The following YWHAG variants were observed in gnomAD, a reference collection of about 807,000 sequenced individuals.
YWHAG encodes the protein tyrosine 3-monooxygenase/tryptophan 5-monooxygenase activation protein gamma.
In YWHAG, 1 loss-of-function variant was observed where a neutral mutation model predicts 23.3. That is an observed-to-expected ratio of 0.04 (90% CI 0.02 to 0.20). The LOEUF (loss-of-function observed/expected upper bound fraction) is 0.20, where lower values mean the gene tolerates loss of function less well. Ranked by LOEUF, YWHAG falls within the 10% of genes least tolerant of loss-of-function variation. The pLI is 1.00. For missense variants in YWHAG, 151 were observed against 338.6 expected, an observed-to-expected ratio of 0.45 and a Z score of 4.35; for synonymous variants, 160 against 144.0, an observed-to-expected ratio of 1.11 and a Z score of -0.80.
At chr7:76,345,249 G>A (rs1442536419) in intron 1 of YWHAG, among the ~76,000 whole-genome samples, 4 of 148,114 alleles carry the variant, frequency 2.7e-5, no homozygotes, top group East Asian at 2.0e-4. Context: ...GCAGTGGCAC[G>A]ATCTTGGCTC....
rs1319174962 is a variant in YWHAG at position 76,337,525 on chromosome 7, C to G, written c.88-7292G>C. 2.0e-5 allele frequency among the ~76,000 whole-genome samples: 3 copies of G among 151,590 alleles called. No homozygotes were observed. In the East Asian group the frequency reaches 5.8e-4, roughly 29 times the overall value. On this transcript the variant is annotated intron_variant, in intron 1 of 1. Coordinates refer to ENST00000307630, the MANE Select transcript of YWHAG (RefSeq NM_012479.4). ...CTGATTTTCATCTCCTGCGCCTCTT[C>G]CCTTTGCTAATTTTTTTTTTTTTTT...
At chr7:76,348,887 T>A (rs1324110447) in intron 1 of YWHAG, among the ~76,000 whole-genome samples, 2 of 151,364 alleles carry the variant, frequency 1.3e-5, no homozygotes, top group African/African-American at 2.4e-5. Flanking sequence ...AAAAAAAAAA[T>A]TTTAAGGCAA....
chr7:76,340,108 A>G (rs1040229879), intron 1 of YWHAG, among the ~76,000 whole-genome samples: 1 of 152,090 alleles, frequency 6.6e-6, no homozygotes, highest in Non-Finnish European at 1.5e-5. Context: ...AACAAAACAC[A>G]CACATACACA....
chr7:76,352,137 C>G (rs1387530615), intron 1 of YWHAG, among the ~76,000 whole-genome samples: 2 of 152,214 alleles, frequency 1.3e-5, no homozygotes, highest in Non-Finnish European at 2.9e-5. Flanking sequence ...AAAATTCAAG[C>G]TGATTTCTAC....
intron 1 of YWHAG, among the ~76,000 whole-genome samples, chr7:76,357,622 T>C (rs1289204618): frequency 2.6e-5 from 4 of 152,144 alleles, no homozygotes; most frequent in African/African-American, 9.7e-5. Flanking sequence ...GTATTCTCTT[T>C]TCATCAGCAT....
At chr7:76,355,502 C>T (rs1212396966) in intron 1 of YWHAG, among the ~76,000 whole-genome samples, 1 of 152,154 alleles carries the variant, frequency 6.6e-6, no homozygotes, top group Non-Finnish European at 1.5e-5. Flanking sequence ...TGTATTCTTT[C>T]CACGCCCAAG....
At position 76,358,890 on chromosome 7, in the gene YWHAG, A is replaced by G. The variant is rs1033934154; in HGVS notation, c.-82T>C. 128 of 1,357,966 alleles carry G rather than the reference A, an allele frequency of 9.4e-5. No homozygotes were observed. The highest frequency in any genetic ancestry group is 1.1e-4 in the Non-Finnish European group (110 of 1,001,890). 84.1% of individuals were successfully genotyped at this position (1,357,966 alleles called of 1,614,324 possible). ...GCTTGGAGGGCGCGACTGGAGCCCAAGTGCCGGAGAGGACCGACCCACAGA... is the reference window on the plus strand; with the variant it reads ...GCTTGGAGGGCGCGACTGGAGCCCAGGTGCCGGAGAGGACCGACCCACAGA... On this transcript the variant is annotated 5_prime_UTR_variant, in exon 1 of 2. Coordinates refer to ENST00000307630, the MANE Select transcript of YWHAG (RefSeq NM_012479.4).
chr7:76,336,751 C>T (rs1017133644), intron 1 of YWHAG, among the ~76,000 whole-genome samples: 4 of 149,758 alleles, frequency 2.7e-5, no homozygotes, highest in East Asian at 2.0e-4. Context: ...CCACGGTGCC[C>T]GGTCTTTTTT....
Position 76,327,754 on chromosome 7 carries a change from T to G in YWHAG, c.*1823A>C, listed in dbSNP as rs945288107. Reference sequence around the variant, plus strand: ...TGAGAGGCACAAAAGCGGCAAAGCTTCTTCTACTAGTTCTTCTGGTAGGCT... The same window carrying G: ...TGAGAGGCACAAAAGCGGCAAAGCTGCTTCTACTAGTTCTTCTGGTAGGCT... On this transcript the variant is annotated 3_prime_UTR_variant, in exon 2 of 2. Transcript: ENST00000307630. The G allele has an allele frequency of 2.1e-5, 3 of 140,894 alleles. No homozygotes were observed. Among genetic ancestry groups the G allele is most frequent in the Non-Finnish European group, 4.5e-5 (3 of 66,400 alleles). 8.7% of individuals were successfully genotyped at this position (140,894 alleles called of 1,614,324 possible).
In YWHAG at chr7:76,329,146, G is replaced by A. The variant is rs1196427454; in HGVS notation, c.*431C>T. 1 of 174,170 alleles carries A rather than the reference G, an allele frequency of 5.7e-6. No homozygotes were observed. Among genetic ancestry groups the A allele is most frequent in the East Asian group, 1.6e-4 (1 of 6,118 alleles). 10.8% of individuals were successfully genotyped at this position (174,170 alleles called of 1,614,324 possible). Reference sequence around the variant, plus strand: ...TAGGCTACACCCTGGAAAACATGCAGAGCCGAGACAGATGAGATAGAAAGT... The same window carrying A: ...TAGGCTACACCCTGGAAAACATGCAAAGCCGAGACAGATGAGATAGAAAGT... On this transcript the variant is annotated 3_prime_UTR_variant, in exon 2 of 2. Coordinates refer to ENST00000307630, the MANE Select transcript of YWHAG (RefSeq NM_012479.4). This position sits in a 1 kb window ranked among gnomAD's most constrained non-coding sequence, Gnocchi z 6.1.
chr7:76,350,711 G>A (rs911307451), intron 1 of YWHAG, among the ~76,000 whole-genome samples: 1 of 152,186 alleles, frequency 6.6e-6, no homozygotes, highest in Non-Finnish European at 1.5e-5. Flanking sequence ...GGGCGTGGTG[G>A]TACATGCCTG....
At chr7:76,338,277 A>G (rs1803643467) in intron 1 of YWHAG, among the ~76,000 whole-genome samples, 1 of 152,180 alleles carries the variant, frequency 6.6e-6, no homozygotes, top group African/African-American at 2.4e-5. Context: ...AGCAGCGATC[A>G]CCCTGGCTAA....
At chr7:76,331,579 T>C (rs896149712) in intron 1 of YWHAG, among the ~76,000 whole-genome samples, 1 of 151,852 alleles carries the variant, frequency 6.6e-6, no homozygotes, top group Non-Finnish European at 1.5e-5. Flanking sequence ...TCATCAACTA[T>C]TGTTAGTGTT....
At chr7:76,353,674 T>G (rs1188028987) in intron 1 of YWHAG, among the ~76,000 whole-genome samples, 4 of 152,086 alleles carry the variant, frequency 2.6e-5, no homozygotes, top group African/African-American at 7.3e-5. Flanking sequence ...ACACCTAAAA[T>G]GGAATTTGGG....
chr7:76,333,452 T>C (rs1470253276), intron 1 of YWHAG, among the ~76,000 whole-genome samples: 3 of 152,228 alleles, frequency 2.0e-5, no homozygotes. Context: ...GAACTACTTT[T>C]AAGAATACCC....
chr7:76,353,710 AGGAGAG>A (rs1803906993), intron 1 of YWHAG, among the ~76,000 whole-genome samples: 2 of 152,220 alleles, frequency 1.3e-5, no homozygotes, highest in African/African-American at 2.4e-5. Context: ...TAATTCTGAG[AGGAGAG>A]GCCATAAGGC....
At chr7:76,353,863 G>A (rs926915240) in intron 1 of YWHAG, among the ~76,000 whole-genome samples, 2 of 151,838 alleles carry the variant, frequency 1.3e-5, no homozygotes, top group Admixed American at 6.6e-5. Context: ...GAGTCCAGGA[G>A]CTCAAGACCA....
chr7:76,338,547 G>A (rs1803648029), intron 1 of YWHAG, among the ~76,000 whole-genome samples: 1 of 152,058 alleles, frequency 6.6e-6, no homozygotes, highest in Non-Finnish European at 1.5e-5. Context: ...CAGCCCTCAG[G>A]CTGCAAATCT....
chr7:76,351,797 T>C (rs571026869), intron 1 of YWHAG, among the ~76,000 whole-genome samples: 1 of 152,334 alleles, frequency 6.6e-6, no homozygotes, highest in East Asian at 1.9e-4. Flanking sequence ...GTGAGTTGTA[T>C]AATTATTACA....
Sources: gnomAD v4.1 joint callset for allele counts (sites outside exome capture counted in the v4.1 genomes callset) on GRCh38, gnomAD v4.1.1 for gene constraint, Gnocchi (gnomAD v3.1) non-coding constraint, MANE v1.5 for transcripts, NCBI Gene and HGNC (gene_info 2026-07-23, HGNC 2026-07-21) for gene names.